Variants in CHD1L observed in about 807,000 individuals in gnomAD.
The protein encoded by CHD1L is chromodomain helicase DNA binding protein 1 like.
Under a neutral mutation model 115.9 loss-of-function variants are expected in CHD1L, and 118 were observed. That is an observed-to-expected ratio of 1.02 (90% CI 0.88 to 1.19). The LOEUF is 1.19. Ranked by LOEUF, CHD1L falls within the 50% of genes most tolerant of loss-of-function variation. CHD1L has a pLI of 0.00. For synonymous variants in CHD1L, 411 were observed against 387.1 expected, an observed-to-expected ratio of 1.06 and a Z score of -0.72; for missense variants, 1,179 against 1,065.3, an observed-to-expected ratio of 1.11 and a Z score of -1.49.
the CHD1L span, among the ~76,000 whole-genome samples, chr1:147,223,084 G>T: frequency 2.0e-5 from 3 of 152,182 alleles, no homozygotes; most frequent in African/African-American, 7.2e-5. Flanking sequence ...ACTTCTTAAA[G>T]ATGAAGAAAC....
chr1:147,212,331 G>C, the CHD1L span: 1 of 1,566,410 alleles, frequency 6.4e-7, no homozygotes, highest in East Asian at 2.2e-5. Context: ...TCCACCTGCA[G>C]CTTCCTTGGA....
intron 1 of CHD1L, among the ~76,000 whole-genome samples, chr1:147,250,231 G>A (rs1488984353): frequency 6.6e-6 from 1 of 151,908 alleles, no homozygotes; most frequent in African/African-American, 2.4e-5. Flanking sequence ...TCTGGGTGTT[G>A]GCACCTATTG....
intron 18 of CHD1L, 92 bp downstream of exon 18, chr1:147,286,592 TC>T: frequency 8.7e-7 from 1 of 1,149,632 alleles, no homozygotes; most frequent in Non-Finnish European, 1.3e-6. Context: ...GGGGTGGTGG[TC>T]CCAGTGTAGT....
At chr1:147,267,588 C>A in intron 9 of CHD1L, 70 bp downstream of exon 9, 1 of 1,235,130 alleles carries the variant, frequency 8.1e-7, no homozygotes, top group Non-Finnish European at 1.2e-6. Context: ...TACCAAAATT[C>A]TTCAAAATAA....
At chr1:147,217,726 T>C in the CHD1L span, among the ~76,000 whole-genome samples, 1 of 152,194 alleles carries the variant, frequency 6.6e-6, no homozygotes, top group Non-Finnish European at 1.5e-5. Context: ...TCAACCAAAG[T>C]GTTCTCTCTA....
intron 20 of CHD1L, among the ~76,000 whole-genome samples, chr1:147,293,072 C>T (rs1553971983): frequency 6.6e-6 from 1 of 152,198 alleles, no homozygotes; most frequent in Non-Finnish European, 1.5e-5. Context: ...GAGTAGAGCA[C>T]CATGTCTATG....
the CHD1L span, among the ~76,000 whole-genome samples, chr1:147,211,768 AGC>A: frequency 1.3e-5 from 2 of 152,216 alleles, no homozygotes; most frequent in Non-Finnish European, 2.9e-5. Flanking sequence ...CAAAACAAAA[AGC>A]CAAGGAGATA....
At chr1:147,180,023 T>G in the CHD1L span, among the ~76,000 whole-genome samples, 1 of 152,134 alleles carries the variant, frequency 6.6e-6, no homozygotes, top group African/African-American at 2.4e-5. Context: ...TTTTCTTATT[T>G]TGATAATTGT....
chr1:147,273,281 C>A lies in CHD1L; in HGVS notation c.1270+1000C>A, dbSNP rs1163531969. Among the ~76,000 whole-genome samples the A allele has an allele frequency of 6.6e-5, 10 of 152,226 alleles. No homozygotes were observed. The East Asian group carries it at 1.9e-3, about 29-fold the overall frequency. The stretch of plus-strand genomic sequence containing the variant: ...TGTAGACATAAATCTTGATGGAGTA[C>A]ATGCAGGAACATGAAAGAGATGTGT... On this transcript the variant is annotated intron_variant, in intron 12 of 22. Transcript: ENST00000369258.
chr1:147,249,404 A>ATTTTTTTTTTTTTT (rs59773572), intron 1 of CHD1L, among the ~76,000 whole-genome samples: 11 of 94,170 alleles, frequency 1.2e-4, no homozygotes, highest in Non-Finnish European at 1.7e-4. Flanking sequence ...CTTGGTGTGT[A>ATTTTTTTTTTTTTT]TTTTTTTTTT....
At chr1:147,196,762 T>A in the CHD1L span, among the ~76,000 whole-genome samples, 1 of 152,156 alleles carries the variant, frequency 6.6e-6, no homozygotes, top group Admixed American at 6.5e-5. Flanking sequence ...CCTGTCTTAG[T>A]TTCCCAATTC....
upstream of CHD1L, among the ~76,000 whole-genome samples, chr1:147,241,584 C>T (rs1304674712): frequency 9.9e-5 from 15 of 152,172 alleles, no homozygotes; most frequent in African/African-American, 2.4e-4. Context: ...TCTCTTCACA[C>T]GGACGCGCAT....
chr1:147,203,663 G>T, the CHD1L span: 6 of 1,428,764 alleles, frequency 4.2e-6, no homozygotes, highest in Non-Finnish European at 5.9e-6. Context: ...TCCATATGAT[G>T]TGATCTGTTT....
At chr1:147,274,681 A>G (rs1677636703) in intron 12 of CHD1L, among the ~76,000 whole-genome samples, 1 of 152,152 alleles carries the variant, frequency 6.6e-6, no homozygotes, top group South Asian at 2.1e-4. Context: ...CACTGAAGAA[A>G]GACCAGCAAG....
the CHD1L span, among the ~76,000 whole-genome samples, chr1:147,197,705 G>A: frequency 6.6e-6 from 1 of 152,142 alleles, no homozygotes; most frequent in Admixed American, 6.5e-5. Flanking sequence ...GCAGAACTGT[G>A]AGTGAATTAA....
intron 20 of CHD1L, among the ~76,000 whole-genome samples, chr1:147,291,787 C>G (rs1169978679): frequency 6.6e-6 from 1 of 152,118 alleles, no homozygotes; most frequent in East Asian, 1.9e-4. Flanking sequence ...GGATTCTCTC[C>G]TTGGCTTGCA....
chr1:147,273,037 T>C (rs1553954614), intron 12 of CHD1L, among the ~76,000 whole-genome samples: 1 of 152,058 alleles, frequency 6.6e-6, no homozygotes, highest in Non-Finnish European at 1.5e-5. Context: ...CCGTCTCTAC[T>C]TAAAAAAATA....
chr1:147,285,526 G>A (rs782682265), intron 17 of CHD1L, 39 bp downstream of exon 17: 2 of 1,591,222 alleles, frequency 1.3e-6, no homozygotes, highest in Non-Finnish European at 1.7e-6. Context: ...CACAGTTGAA[G>A]GAGTCACTAT....
intron 17 of CHD1L, among the ~76,000 whole-genome samples, 165 bp downstream of exon 17, chr1:147,285,652 G>C (rs1399965266): frequency 3.9e-5 from 6 of 152,148 alleles, no homozygotes; most frequent in Non-Finnish European, 7.3e-5. Context: ...TAAGTGAAAA[G>C]TCTCAGTGTA....
Sources: gnomAD v4.1 joint callset for allele counts (sites outside exome capture counted in the v4.1 genomes callset) on GRCh38, gnomAD v4.1.1 for gene constraint, MANE v1.5 for transcripts, NCBI Gene and HGNC (gene_info 2026-07-23, HGNC 2026-07-21) for gene names.